The following MYLK4 variants were observed in gnomAD, a reference collection of about 807,000 sequenced individuals.
The protein encoded by MYLK4 is caMLCK like.
A neutral mutation model predicts 48.1 loss-of-function variants in MYLK4; 46 were observed. The ratio of observed to expected loss-of-function variants is 0.96; its 90% CI spans 0.75 to 1.22. The LOEUF is 1.22. Ranked by LOEUF, MYLK4 falls within the 50% of genes most tolerant of loss-of-function variation. The pLI is 0.00. For synonymous variants in MYLK4, 170 were observed against 180.8 expected, an observed-to-expected ratio of 0.94 and a Z score of 0.48; for missense variants, 451 against 486.1, an observed-to-expected ratio of 0.93 and a Z score of 0.68.
intron 2 of MYLK4, among the ~76,000 whole-genome samples, chr6:2,699,248 A>G (rs1762182034): frequency 6.8e-6 from 1 of 148,050 alleles, no homozygotes; most frequent in South Asian, 2.1e-4. Flanking sequence ...ATTGAGCTGT[A>G]TCATAAGAGA....
chr6:2,763,850 A>AG, the MYLK4 span, among the ~76,000 whole-genome samples: 1 of 151,604 alleles, frequency 6.6e-6, no homozygotes, highest in Non-Finnish European at 1.5e-5. Context: ...GGACAAATGA[A>AG]AAAAAAAAGC....
At chr6:2,729,441 G>A (rs911970743) in intron 2 of MYLK4, among the ~76,000 whole-genome samples, 4 of 152,234 alleles carry the variant, frequency 2.6e-5, no homozygotes, top group African/African-American at 9.6e-5. Context: ...CTCCAGATAC[G>A]CAACAAATAA....
the MYLK4 span, among the ~76,000 whole-genome samples, chr6:2,763,244 C>T: frequency 6.6e-6 from 1 of 152,250 alleles, no homozygotes; most frequent in Admixed American, 6.5e-5. Context: ...TCCAAGTCCC[C>T]ACCAGACTCA....
chr6:2,701,459 G>T (rs2113214917), intron 2 of MYLK4, among the ~76,000 whole-genome samples: 1 of 152,206 alleles, frequency 6.6e-6, no homozygotes, highest in South Asian at 2.1e-4. Flanking sequence ...TCTGCGCTTA[G>T]ACTCAAGGAG....
chr6:2,683,391 T>TTTTTTGTGTGTG (rs556476421), intron 6 of MYLK4, among the ~76,000 whole-genome samples: 7 of 126,584 alleles, frequency 5.5e-5, no homozygotes, highest in African/African-American at 2.0e-4. Context: ...CCCCACCTTT[T>TTTTTTGTGTGTG]TGTGTGTGTG....
chr6:2,765,388 G>T, the MYLK4 span: 3 of 375,186 alleles, frequency 8.0e-6, no homozygotes, highest in Admixed American at 1.0e-4. Context: ...AAACGGCCAC[G>T]AACTACACTT....
chr6:2,726,227 C>G (rs971108811), intron 2 of MYLK4, among the ~76,000 whole-genome samples: 3 of 152,154 alleles, frequency 2.0e-5, no homozygotes, highest in Non-Finnish European at 2.9e-5. Flanking sequence ...TTGAGACTCT[C>G]TAACAGCAAA....
intron 2 of MYLK4, among the ~76,000 whole-genome samples, chr6:2,725,637 AAG>A (rs1054350829): frequency 2.8e-5 from 4 of 143,286 alleles, no homozygotes; most frequent in African/African-American, 1.1e-4. Context: ...GAAAGAAAGA[AAG>A]AAGGAAAGAG....
At chr6:2,681,171 C>T (rs1025840876) in intron 7 of MYLK4, among the ~76,000 whole-genome samples, 7 of 152,154 alleles carry the variant, frequency 4.6e-5, no homozygotes, top group Non-Finnish European at 5.9e-5. Flanking sequence ...GGGCACCATC[C>T]CAGAAGCCAA....
At chr6:2,693,338 G>A (rs1418161015) in intron 2 of MYLK4, among the ~76,000 whole-genome samples, 1 of 152,208 alleles carries the variant, frequency 6.6e-6, no homozygotes, top group Non-Finnish European at 1.5e-5. Context: ...TGTGTAAGTT[G>A]TCTTGATATG....
At chr6:2,729,163 A>G (rs1763388419) in intron 2 of MYLK4, among the ~76,000 whole-genome samples, 1 of 152,154 alleles carries the variant, frequency 6.6e-6, no homozygotes, top group African/African-American at 2.4e-5. Context: ...TGCCAGCCCC[A>G]CTTACAGGCC....
chr6:2,760,781 G>A, the MYLK4 span, among the ~76,000 whole-genome samples: 86 of 152,066 alleles, frequency 5.7e-4, no homozygotes, highest in Non-Finnish European at 1.1e-3. Flanking sequence ...AGAAAATAGA[G>A]TAAATAAAAG....
At chr6:2,769,656 A>AT in the MYLK4 span, among the ~76,000 whole-genome samples, 4 of 152,224 alleles carry the variant, frequency 2.6e-5, no homozygotes, top group Admixed American at 6.5e-5. Flanking sequence ...TCATCTTAGT[A>AT]TTTTTTCCCC....
chr6:2,751,386 C>G (rs183448389), upstream of MYLK4, among the ~76,000 whole-genome samples: 4 of 152,326 alleles, frequency 2.6e-5, no homozygotes, highest in South Asian at 2.1e-4. Flanking sequence ...AAGATGTTTG[C>G]AAAGTCTCCA....
intron 2 of MYLK4, among the ~76,000 whole-genome samples, chr6:2,743,133 C>T (rs1253981896): frequency 6.6e-6 from 1 of 151,936 alleles, no homozygotes; most frequent in African/African-American, 2.4e-5. Context: ...GGGAAAAAAC[C>T]CTAAAAAGTC....
chr6:2,764,378 T>C, the MYLK4 span, among the ~76,000 whole-genome samples: 2 of 152,154 alleles, frequency 1.3e-5, no homozygotes, highest in African/African-American at 2.4e-5. Context: ...GTCGCGGCCC[T>C]GCACTCCAGC....
chr6:2,766,082 C>T, the MYLK4 span: 1 of 1,300,836 alleles, frequency 7.7e-7, no homozygotes, highest in Non-Finnish European at 9.7e-7. Flanking sequence ...GAGCGCGTCT[C>T]CGCGCAGCTG....
At chr6:2,686,970 T>G (rs910299535) in intron 4 of MYLK4, among the ~76,000 whole-genome samples, 6 of 152,152 alleles carry the variant, frequency 3.9e-5, no homozygotes, top group African/African-American at 1.4e-4. Context: ...ACCTTCTGAC[T>G]CTTTCCCCTG....
intron 2 of MYLK4, among the ~76,000 whole-genome samples, chr6:2,732,844 A>C (rs1328791707): frequency 1.3e-5 from 2 of 152,226 alleles, no homozygotes; most frequent in African/African-American, 4.8e-5. Context: ...GCTTCACTCC[A>C]CCTAGCCCTG....
Sources: allele counts gnomAD v4.1 joint callset (sites outside exome capture counted in the v4.1 genomes callset), GRCh38; gene constraint gnomAD v4.1.1; transcripts MANE v1.5; gene names NCBI Gene and HGNC (gene_info 2026-07-23, HGNC 2026-07-21).